The following TBCK variants were observed in gnomAD, a reference collection of about 807,000 sequenced individuals.
TBCK encodes the protein TBC domain-containing protein kinase-like protein.
A neutral mutation model predicts 113.4 loss-of-function variants in TBCK; 99 were observed. The observed-to-expected ratio is 0.87, with a 90% CI of 0.74 to 1.03. The LOEUF is 1.03. TBCK is among the 50% of genes least tolerant of loss of function. TBCK has a pLI of 0.00. For synonymous variants in TBCK, 369 were observed against 370.8 expected (o/e 1.00, Z 0.05); for missense variants, 1,045 against 1,061.3 (o/e 0.98, Z 0.21).
chr4:106,143,312 A>C (rs1379259330), intron 23 of TBCK, among the ~76,000 whole-genome samples: 2 of 152,164 alleles, frequency 1.3e-5, no homozygotes, highest in Non-Finnish European at 2.9e-5. Flanking sequence ...TTCAGAAGAC[A>C]CTTGTGCATA....
intron 23 of TBCK, among the ~76,000 whole-genome samples, chr4:106,125,000 A>T (rs922513392): frequency 1.2e-4 from 10 of 80,840 alleles, no homozygotes; most frequent in East Asian, 2.7e-4. Context: ...TTAAAGTATA[A>T]AAAAAAAAAA....
Position 106,231,780 on chromosome 4 carries a change from C to T in TBCK, c.1640-1G>A, listed in dbSNP as rs1758880285. On this transcript the variant is annotated splice_acceptor_variant, in intron 17 of 25. Coordinates refer to ENST00000394708, the MANE Select transcript of TBCK (RefSeq NM_001163435.3). LOFTEE classifies it high-confidence loss of function. ...AATGGAGCACAAAGTGAGTCAAGAC[C>T]TAACACAGAGGGGTTGGGAGAAAGA... is the stretch of plus-strand genomic sequence containing the variant. 6.2e-7 allele frequency: 1 copy of T among 1,609,132 alleles called. No homozygotes were observed. The highest frequency in any genetic ancestry group is 8.5e-7 in the Non-Finnish European group (1 of 1,177,532).
At chr4:106,279,697 C>A (rs1764385379) in intron 3 of TBCK, among the ~76,000 whole-genome samples, 1 of 152,106 alleles carries the variant, frequency 6.6e-6, no homozygotes, top group South Asian at 2.1e-4. Flanking sequence ...GTCTTTCTGT[C>A]CCTGGCTTAT....
At chr4:106,179,719 G>T (rs1482835887) in intron 22 of TBCK, among the ~76,000 whole-genome samples, 1 of 152,044 alleles carries the variant, frequency 6.6e-6, no homozygotes, top group Admixed American at 6.6e-5. Context: ...TTCTGCAGCT[G>T]TTGGATGGAA....
intron 21 of TBCK, among the ~76,000 whole-genome samples, chr4:106,193,985 AT>A (rs1753943232): frequency 6.6e-6 from 1 of 152,122 alleles, no homozygotes. Context: ...AACAGATAAT[AT>A]TTTTAACCCT....
chr4:106,131,718 C>A (rs1362795267), intron 23 of TBCK, among the ~76,000 whole-genome samples: 1 of 152,140 alleles, frequency 6.6e-6, no homozygotes, highest in Non-Finnish European at 1.5e-5. Context: ...GAGTAACAGA[C>A]AGAAGTTGGA....
At chr4:106,137,606 A>G (rs1746706724) in intron 23 of TBCK, among the ~76,000 whole-genome samples, 1 of 140,894 alleles carries the variant, frequency 7.1e-6, no homozygotes, top group African/African-American at 2.5e-5. Context: ...TCTTAGTTTT[A>G]AATAGGAAGA....
At chr4:106,122,271 C>A (rs1744506284) in intron 23 of TBCK, among the ~76,000 whole-genome samples, 1 of 152,096 alleles carries the variant, frequency 6.6e-6, no homozygotes, top group Admixed American at 6.5e-5. Flanking sequence ...ACTAGAAAAT[C>A]TAAAAGAAAT....
Position 106,076,127 on chromosome 4 carries a change from T to C in TBCK, c.2571+19355A>G, listed in dbSNP as rs536364933. Among the ~76,000 whole-genome samples the C allele has an allele frequency of 8.5e-5, 13 of 152,274 alleles. No individual in the cohort carries two copies. In the East Asian group the frequency reaches 2.1e-3, roughly 25 times the overall value. ...CTCTGTAGAGGATGGCAGGGGGCCATAGGTAGGTGCCCTGGCAGTGGCAGC... is the reference window on the plus strand; with the variant it reads ...CTCTGTAGAGGATGGCAGGGGGCCACAGGTAGGTGCCCTGGCAGTGGCAGC... On this transcript the variant is annotated intron_variant, in intron 25 of 25. Coordinates refer to ENST00000394708, the MANE Select transcript of TBCK (RefSeq NM_001163435.3).
At chr4:106,280,500 C>G (rs1049846955) in intron 3 of TBCK, among the ~76,000 whole-genome samples, 11 of 152,066 alleles carry the variant, frequency 7.2e-5, no homozygotes, top group Admixed American at 2.0e-4. Context: ...GAAATCTTTG[C>G]CCAGACTGAT....
intron 22 of TBCK, among the ~76,000 whole-genome samples, chr4:106,183,430 A>G (rs1752635839): frequency 6.6e-6 from 1 of 151,854 alleles, no homozygotes; most frequent in Non-Finnish European, 1.5e-5. Context: ...CTCTACTAAC[A>G]TCCTATTTAC....
chr4:106,220,086 C>G (rs563094756), intron 19 of TBCK, among the ~76,000 whole-genome samples: 1 of 152,280 alleles, frequency 6.6e-6, no homozygotes, highest in South Asian at 2.1e-4. Context: ...TCCTTTGCTT[C>G]CAATGATCAC....
At chr4:106,146,278 A>G (rs1387513509) in intron 23 of TBCK, among the ~76,000 whole-genome samples, 1 of 152,236 alleles carries the variant, frequency 6.6e-6, no homozygotes, top group African/African-American at 2.4e-5. Context: ...AAAAAGAATG[A>G]GATCATGTCT....
intron 25 of TBCK, among the ~76,000 whole-genome samples, chr4:106,080,174 A>T (rs1738687844): frequency 6.6e-6 from 1 of 152,192 alleles, no homozygotes; most frequent in Admixed American, 6.6e-5. Context: ...AGAATTAGAA[A>T]AAGCTATTCT....
intron 3 of TBCK, among the ~76,000 whole-genome samples, chr4:106,294,748 T>C (rs573507410): frequency 6.6e-6 from 1 of 152,180 alleles, no homozygotes; most frequent in South Asian, 2.1e-4. Context: ...CCCAAAGTGC[T>C]GGCATTACAG....
At chr4:106,231,880 T>A in intron 17 of TBCK, 101 bp from the exon 18 acceptor site, 1 of 1,034,528 alleles carries the variant, frequency 9.7e-7, no homozygotes, top group Non-Finnish European at 1.4e-6. Context: ...CCAAGTAGAT[T>A]AAACATTAGA....
At chr4:106,103,649 G>GT (rs1332698048) in intron 24 of TBCK, among the ~76,000 whole-genome samples, 1 of 152,194 alleles carries the variant, frequency 6.6e-6, no homozygotes, top group Non-Finnish European at 1.5e-5. Context: ...TTGGTACAGT[G>GT]TAAGAACTTA....
chr4:106,166,544 T>A (rs1203700660), intron 23 of TBCK, among the ~76,000 whole-genome samples: 3 of 151,818 alleles, frequency 2.0e-5, no homozygotes, highest in Non-Finnish European at 3.0e-5. Flanking sequence ...TGCTGAGGTT[T>A]AGGGTGATTC....
chr4:106,212,749 C>T lies in TBCK; in HGVS notation c.1860+1G>A, dbSNP rs1303851095. On this transcript the variant is annotated splice_donor_variant, in intron 20 of 25. Coordinates refer to ENST00000394708, the MANE Select transcript of TBCK (RefSeq NM_001163435.3). LOFTEE classifies it high-confidence loss of function. ...GTTCTATTAATGCACCAAGTACTTA[C>T]ATCTGGAATGAAACCAATCTCATTG... The T allele has an allele frequency of 1.3e-6, 2 of 1,596,660 alleles. No individual in the cohort carries two copies. The highest frequency in any genetic ancestry group is 1.7e-5 in the Admixed American group (1 of 59,464).
Sources: gnomAD v4.1 joint callset for allele counts (sites outside exome capture counted in the v4.1 genomes callset) on GRCh38, gnomAD v4.1.1 for gene constraint, MANE v1.5 for transcripts, NCBI Gene and HGNC (gene_info 2026-07-23, HGNC 2026-07-21) for gene names.